The following GPR158 variants were observed in gnomAD, a reference collection of about 807,000 sequenced individuals.
GPR158 encodes the protein metabotropic glycine receptor.
GPR158 carries 30 observed loss-of-function variants against 78.2 expected under a neutral mutation model. The ratio of observed to expected loss-of-function variants is 0.38; its 90% confidence interval spans 0.29 to 0.52. The LOEUF is 0.52. Among genes scored for constraint, GPR158 ranks in the 20% least tolerant of loss-of-function variants. The pLI is 0.83. For synonymous variants in GPR158, 581 were observed against 591.1 expected (o/e 0.98, Z 0.25); for missense variants, 1,463 against 1,523.5 (o/e 0.96, Z 0.66).
Position 25,176,314 on chromosome 10 carries a change from G to A in GPR158, c.894G>A (p.Pro298=), listed in dbSNP as rs1220050702. The A allele has an allele frequency of 6.3e-7, 1 of 1,576,462 alleles. No individual in the cohort carries two copies. The highest frequency in any genetic ancestry group is 8.6e-7 in the Non-Finnish European group (1 of 1,161,422). The change falls in exon 1 of 11, where the codon CCG becomes CCA. Residue 298 remains proline (P), a synonymous_variant. Coordinates refer to ENST00000376351, the MANE Select transcript of GPR158 (RefSeq NM_020752.3). The surrounding 1 kb of genome is among the most constrained non-coding windows in gnomAD (Gnocchi z 6.3). ...ACGGGTTGCAGCCTAACCTGGTCCC[G>A]GAATTCAGGTAGGGAGGGCCGGGGG... ...AIYGLQPNLV[P]EFRGVMKVDI... is the part of the protein sequence containing the mutation.
At chr10:25,410,545 G>C (rs1170341139) in intron 3 of GPR158, among the ~76,000 whole-genome samples, 1 of 152,254 alleles carries the variant, frequency 6.6e-6, no homozygotes, top group East Asian at 1.9e-4. Flanking sequence ...GAACCTAGGA[G>C]GCAGAGATTG....
rs143048674 is a variant in GPR158, at chr10:25,400,241, C to T, written c.1111+4228C>T. Among the ~76,000 whole-genome samples the T allele has an allele frequency of 4.9e-3, 743 of 152,126 alleles. 12 individuals carry two copies. Among genetic ancestry groups the T allele is most frequent in the African/African-American group, 0.017 (685 of 41,502 alleles). On this transcript the variant is annotated intron_variant, in intron 3 of 10. Transcript: ENST00000376351. ...AGGGAGAAACAGAAAGGATATAGAGCAAAGATAAAATTTACTTAATTTATA... is the reference window on the plus strand; with the variant it reads ...AGGGAGAAACAGAAAGGATATAGAGTAAAGATAAAATTTACTTAATTTATA...
At chr10:25,540,165 T>G (rs1836558374) in intron 5 of GPR158, among the ~76,000 whole-genome samples, 2 of 152,064 alleles carry the variant, frequency 1.3e-5, no homozygotes, top group Admixed American at 1.3e-4. Flanking sequence ...AAGAAGACAT[T>G]TATGCAGCCA....
intron 3 of GPR158, among the ~76,000 whole-genome samples, chr10:25,398,028 C>T (rs1834389589): frequency 6.6e-6 from 1 of 152,132 alleles, no homozygotes; most frequent in Admixed American, 6.6e-5. Context: ...ACTAATAGCC[C>T]ATGAGAAAAC....
chr10:25,455,191 C>A (rs1391294632), intron 4 of GPR158, among the ~76,000 whole-genome samples: 1 of 152,096 alleles, frequency 6.6e-6, no homozygotes, highest in East Asian at 1.9e-4. Flanking sequence ...CTGTATAGGT[C>A]ATTCAGGTGG....
At chr10:25,343,728 C>T (rs965526684) in intron 2 of GPR158, among the ~76,000 whole-genome samples, 2 of 152,004 alleles carry the variant, frequency 1.3e-5, no homozygotes, top group Admixed American at 6.6e-5. Flanking sequence ...AATTCTGAGA[C>T]AGGTTCAATG....
chr10:25,592,673 T>G (rs1355009993), intron 8 of GPR158, among the ~76,000 whole-genome samples: 2 of 152,130 alleles, frequency 1.3e-5, no homozygotes, highest in Admixed American at 1.3e-4. Flanking sequence ...CAAGCATTTT[T>G]CCTTCTAGAT....
intron 2 of GPR158, among the ~76,000 whole-genome samples, chr10:25,328,575 G>A (rs1855068908): frequency 6.6e-6 from 1 of 152,014 alleles, no homozygotes; most frequent in East Asian, 1.9e-4. Context: ...TGACTTAAAA[G>A]TCAATGTGTC....
At chr10:25,245,151 TTATC>T (rs955316430) in intron 2 of GPR158, among the ~76,000 whole-genome samples, 94 of 152,348 alleles carry the variant, frequency 6.2e-4, no homozygotes, top group African/African-American at 2.2e-3. Flanking sequence ...GAAAGCATCT[TTATC>T]TATCACGATG....
intron 4 of GPR158, among the ~76,000 whole-genome samples, chr10:25,444,564 A>G (rs1327506872): frequency 6.7e-6 from 1 of 148,736 alleles, no homozygotes; most frequent in African/African-American, 2.5e-5. Context: ...AGGTATGTGC[A>G]TTTGTGTGGA....
chr10:25,219,662 CT>C (rs1284794224), intron 1 of GPR158, among the ~76,000 whole-genome samples: 4 of 152,128 alleles, frequency 2.6e-5, no homozygotes. Context: ...TAATGTAGTA[CT>C]TTTCTCACAG....
chr10:25,369,643 T>C (rs1233545751), intron 2 of GPR158, among the ~76,000 whole-genome samples: 6 of 151,870 alleles, frequency 4.0e-5, no homozygotes, highest in African/African-American at 7.3e-5. Flanking sequence ...TTTGGTTGTG[T>C]CTCTGCCCAG....
intron 6 of GPR158, among the ~76,000 whole-genome samples, chr10:25,553,227 T>C (rs1471071676): frequency 6.6e-6 from 1 of 152,232 alleles, no homozygotes; most frequent in East Asian, 1.9e-4. Flanking sequence ...GCAGAAATCT[T>C]GACACTAGTA....
intron 1 of GPR158, among the ~76,000 whole-genome samples, chr10:25,192,255 C>T (rs1442267300): frequency 1.3e-5 from 2 of 152,122 alleles, no homozygotes; most frequent in Non-Finnish European, 2.9e-5. Context: ...GAAGAAGGTG[C>T]CTTGCTTCTC....
chr10:25,336,264 A>C (rs1855205185), intron 2 of GPR158, among the ~76,000 whole-genome samples: 1 of 152,108 alleles, frequency 6.6e-6, no homozygotes, highest in African/African-American at 2.4e-5. Context: ...AAGTCTGTAT[A>C]ATTCTTGCAA....
At chr10:25,548,797 A>C (rs907302895) in intron 5 of GPR158, among the ~76,000 whole-genome samples, 5 of 152,172 alleles carry the variant, frequency 3.3e-5, no homozygotes, top group Non-Finnish European at 5.9e-5. Flanking sequence ...TTCATTTCTT[A>C]TTATTTTAAA....
chr10:25,373,712 T>C (rs1834037019), intron 2 of GPR158, among the ~76,000 whole-genome samples: 1 of 151,908 alleles, frequency 6.6e-6, no homozygotes. Context: ...ATATGTTACT[T>C]AGTTTCCAAG....
chr10:25,323,211 T>C (rs1223774051), intron 2 of GPR158, among the ~76,000 whole-genome samples: 2 of 152,186 alleles, frequency 1.3e-5, no homozygotes, highest in South Asian at 2.1e-4. Context: ...CAGTAAGCCA[T>C]GCTATACACA....
chr10:25,178,838 G>A (rs1333898530), intron 1 of GPR158, among the ~76,000 whole-genome samples: 2 of 152,306 alleles, frequency 1.3e-5, no homozygotes, highest in Admixed American at 1.3e-4. Context: ...ACTATAAAGT[G>A]GCTTGTCCAA....
Sources: allele counts gnomAD v4.1 joint callset (sites outside exome capture counted in the v4.1 genomes callset), GRCh38; gene constraint gnomAD v4.1.1; non-coding constraint Gnocchi (gnomAD v3.1); transcripts MANE v1.5; gene names NCBI Gene and HGNC (gene_info 2026-07-23, HGNC 2026-07-21).